Variants in ZBTB20 observed in about 807,000 individuals in gnomAD.
ZBTB20 encodes the protein zinc finger and BTB domain containing 20.
Under a neutral mutation model 56.9 loss-of-function variants are expected in ZBTB20, and 9 were observed. The observed-to-expected ratio is 0.16, with a 90% confidence interval of 0.10 to 0.28. The LOEUF (loss-of-function observed/expected upper bound fraction) is 0.28. ZBTB20 is among the 10% of genes least tolerant of loss of function. The pLI, the probability that ZBTB20 is intolerant of heterozygous loss-of-function variation, is 1.00. For synonymous variants in ZBTB20, 417 were observed against 420.7 expected (o/e 0.99, Z 0.11); for missense variants, 655 against 1,003.0 (o/e 0.65, Z 4.69).
intron 6 of ZBTB20, among the ~76,000 whole-genome samples, chr3:114,600,212 G>T (rs556002011): frequency 6.6e-6 from 1 of 152,108 alleles, no homozygotes; most frequent in South Asian, 2.1e-4. Flanking sequence ...AAATCAAAGA[G>T]CAATTACACT....
chr3:114,908,429 G>A (rs1317718873), intron 3 of ZBTB20, among the ~76,000 whole-genome samples: 1 of 151,870 alleles, frequency 6.6e-6, no homozygotes, highest in Non-Finnish European at 1.5e-5. Flanking sequence ...GAAATTTAGG[G>A]GTACAAATAA....
intron 1 of ZBTB20, among the ~76,000 whole-genome samples, chr3:115,137,965 A>T (rs1419743166): frequency 6.6e-6 from 1 of 152,086 alleles, no homozygotes; most frequent in African/African-American, 2.4e-5. Flanking sequence ...TGCCAAAAGC[A>T]TAGCAGTCTT....
At chr3:114,477,397 T>A (rs1486499971) in intron 7 of ZBTB20, among the ~76,000 whole-genome samples, 2 of 152,040 alleles carry the variant, frequency 1.3e-5, no homozygotes, top group Non-Finnish European at 2.9e-5. Context: ...TGAATTAATG[T>A]GCCCAAAAGG....
At chr3:115,006,667 A>G (rs1325718283) in intron 2 of ZBTB20, among the ~76,000 whole-genome samples, 1 of 151,746 alleles carries the variant, frequency 6.6e-6, no homozygotes, top group Non-Finnish European at 1.5e-5. Context: ...AGGGCACCTT[A>G]GAGCCCACCT....
chr3:115,022,199 T>C (rs979346692), intron 2 of ZBTB20, among the ~76,000 whole-genome samples: 1 of 150,822 alleles, frequency 6.6e-6, no homozygotes, highest in Non-Finnish European at 1.5e-5. Context: ...TTATAAAAAT[T>C]TTAAAAGTAT....
At chr3:115,050,488 C>A (rs2081504587) in intron 2 of ZBTB20, among the ~76,000 whole-genome samples, 1 of 151,668 alleles carries the variant, frequency 6.6e-6, no homozygotes, top group South Asian at 2.1e-4. Flanking sequence ...TCTTAGAAAT[C>A]AAAACTAGAA....
chr3:114,338,947 T>G lies in ZBTB20; in HGVS notation c.*58A>C. 2 of 1,439,474 alleles carry G rather than the reference T, an allele frequency of 1.4e-6. No homozygotes were observed. The highest frequency in any genetic ancestry group is 1.8e-6 in the Non-Finnish European group (2 of 1,086,034). 89.2% of individuals were successfully genotyped at this position (1,439,474 alleles called of 1,614,324 possible). On this transcript the variant is annotated 3_prime_UTR_variant, in exon 12 of 12. Coordinates refer to ENST00000675478, the MANE Select transcript of ZBTB20 (RefSeq NM_001348800.3). Reference sequence around the variant, plus strand: ...AAATTCTAGTGCCATAGCTTTTTTGTTTGTTTGTTTTTTGTTGTTGTTTTG... The same window carrying G: ...AAATTCTAGTGCCATAGCTTTTTTGGTTGTTTGTTTTTTGTTGTTGTTTTG...
chr3:114,970,528 G>T (rs1560449311), intron 3 of ZBTB20, among the ~76,000 whole-genome samples: 1 of 152,072 alleles, frequency 6.6e-6, no homozygotes, highest in African/African-American at 2.4e-5. Context: ...TGTGTTTCAT[G>T]AAAACATTTT....
chr3:114,519,245 T>C (rs897420935), intron 6 of ZBTB20: 5 of 152,202 alleles, frequency 3.3e-5, no homozygotes, highest in African/African-American at 9.7e-5. Context: ...AAATAATTTT[T>C]ACAGTACATT....
In ZBTB20 at chr3:114,351,793, G is replaced by C; in HGVS notation, c.285C>G (p.Asn95Lys). 1 of 1,609,230 alleles carries C rather than the reference G, an allele frequency of 6.2e-7. No homozygotes were observed. The highest frequency in any genetic ancestry group is 8.5e-7 in the Non-Finnish European group (1 of 1,175,802). Residue 95 changes from asparagine (N) to lysine (K), a missense_variant, in exon 11 of 12, where the codon AAC becomes AAG. This residue lies in a region of ZBTB20 where 57 missense variants were observed against 99.1 expected (regional missense o/e 0.58). Transcript: ENST00000675478. Reference protein sequence around the residue: ...NFSNSVLETLNEQRNRGHFCD... With the variant: ...NFSNSVLETLKEQRNRGHFCD... ...AGAAGTGGCCACGGTTGCGCTGCTC[G>C]TTGAGGGTCTCGAGCACGGAATTGC... is the stretch of plus-strand genomic sequence containing the variant.
Position 114,333,816 on chromosome 3 carries a change from C to A in ZBTB20, c.*5189G>T, listed in dbSNP as rs1401020514. ...TGGAAAAGCCCAGAGATTTCTCTAA[C>A]CACTTCTTGCCAAACTTCCTAGTTT... On this transcript the variant is annotated 3_prime_UTR_variant, in exon 12 of 12. Coordinates refer to ENST00000675478, the MANE Select transcript of ZBTB20 (RefSeq NM_001348800.3). 6.6e-6 allele frequency: 1 copy of A among 152,204 alleles called. No individual in the cohort carries two copies. The highest frequency in any genetic ancestry group is 1.9e-4 in the East Asian group (1 of 5,204). The allele number at this position is 152,204 out of a possible 1,614,324, so 9.4% of individuals were successfully genotyped here.
intron 6 of ZBTB20, among the ~76,000 whole-genome samples, chr3:114,631,217 A>G (rs888924863): frequency 6.6e-6 from 1 of 152,066 alleles, no homozygotes; most frequent in Non-Finnish European, 1.5e-5. Context: ...GTGGGTATTC[A>G]GAAGAGTCAT....
intron 1 of ZBTB20, among the ~76,000 whole-genome samples, chr3:115,123,124 T>G (rs1021243805): frequency 5.9e-5 from 9 of 152,164 alleles, no homozygotes; most frequent in Non-Finnish European, 1.0e-4. Flanking sequence ...TCAGTGAAGA[T>G]TCTTCTATTT....
intron 1 of ZBTB20, among the ~76,000 whole-genome samples, chr3:115,145,141 C>T (rs899516595): frequency 6.6e-6 from 1 of 152,116 alleles, no homozygotes; most frequent in African/African-American, 2.4e-5. Flanking sequence ...AAAAGCTTTC[C>T]TGGGAGACTA....
At chr3:114,880,317 C>G (rs1193871060) in intron 4 of ZBTB20, among the ~76,000 whole-genome samples, 1 of 152,048 alleles carries the variant, frequency 6.6e-6, no homozygotes, top group African/African-American at 2.4e-5. Context: ...CCTGAGGCTG[C>G]CTGCAACATC....
intron 4 of ZBTB20, among the ~76,000 whole-genome samples, chr3:114,861,393 T>C (rs2075521686): frequency 6.6e-6 from 1 of 152,182 alleles, no homozygotes; most frequent in East Asian, 1.9e-4. Context: ...GTGCTCACTA[T>C]ATATTTGTCA....
intron 7 of ZBTB20, among the ~76,000 whole-genome samples, chr3:114,430,956 G>T (rs2090074510): frequency 2.6e-5 from 4 of 152,142 alleles, no homozygotes; most frequent in African/African-American, 7.2e-5. Flanking sequence ...TCTCATATAT[G>T]AAGGCCTAGA....
intron 3 of ZBTB20, among the ~76,000 whole-genome samples, chr3:114,960,513 G>A (rs964820086): frequency 2.0e-5 from 3 of 152,214 alleles, no homozygotes; most frequent in Non-Finnish European, 4.4e-5. Flanking sequence ...TAGACATCAG[G>A]AAGATTTCAT....
intron 4 of ZBTB20, among the ~76,000 whole-genome samples, chr3:114,804,518 T>C (rs1302649477): frequency 2.0e-5 from 3 of 152,008 alleles, no homozygotes; most frequent in Admixed American, 6.6e-5. Flanking sequence ...AATTTATTTA[T>C]TCAGACATTG....
Sources: gnomAD v4.1 joint callset for allele counts (sites outside exome capture counted in the v4.1 genomes callset) on GRCh38, gnomAD v4.1.1 for gene constraint, gnomAD v4.1.1 regional missense constraint, MANE v1.5 for transcripts, NCBI Gene and HGNC (gene_info 2026-07-23, HGNC 2026-07-21) for gene names.